The following CTNND2 variants were observed in gnomAD, a reference collection of about 807,000 sequenced individuals.
The protein encoded by CTNND2 is catenin delta 2.
A neutral mutation model predicts 144.4 loss-of-function variants in CTNND2; 22 were observed. The ratio of observed to expected loss-of-function variants is 0.15; its 90% confidence interval spans 0.11 to 0.22. The LOEUF is 0.22. Ranked by LOEUF, CTNND2 falls within the 10% of genes least tolerant of loss-of-function variation. The pLI is 1.00. For missense variants in CTNND2, 1,353 were observed against 1,618.8 expected (o/e 0.84, Z 2.82); for synonymous variants, 751 against 695.6 (o/e 1.08, Z -1.25).
intron 12 of CTNND2, among the ~76,000 whole-genome samples, chr5:11,120,775 G>T (rs1278067772): frequency 6.6e-6 from 1 of 151,962 alleles, no homozygotes; most frequent in African/African-American, 2.4e-5. Context: ...CTTGAAGAGG[G>T]CGTTATCATA....
At chr5:11,504,139 G>A (rs1770784590) in intron 3 of CTNND2, among the ~76,000 whole-genome samples, 1 of 152,184 alleles carries the variant, frequency 6.6e-6, no homozygotes, top group Non-Finnish European at 1.5e-5. Context: ...GCTTTTACAT[G>A]TGAATAAGAT....
intron 11 of CTNND2, among the ~76,000 whole-genome samples, chr5:11,178,501 T>G (rs576713930): frequency 6.6e-6 from 1 of 152,148 alleles, no homozygotes; most frequent in Non-Finnish European, 1.5e-5. Context: ...ATGTAGGTGA[T>G]AGAGAGGCAG....
chr5:11,823,134 A>G (rs1173449446), intron 1 of CTNND2, among the ~76,000 whole-genome samples: 1 of 152,238 alleles, frequency 6.6e-6, no homozygotes, highest in Non-Finnish European at 1.5e-5. Flanking sequence ...ATTAAAATAT[A>G]TATTCAACAA....
intron 2 of CTNND2, among the ~76,000 whole-genome samples, chr5:11,578,867 A>C (rs1049419162): frequency 6.6e-6 from 1 of 152,104 alleles, no homozygotes; most frequent in Non-Finnish European, 1.5e-5. Flanking sequence ...ATATGTATGC[A>C]TGTCAACGCT....
intron 2 of CTNND2, among the ~76,000 whole-genome samples, chr5:11,629,890 C>T (rs1781333464): frequency 6.6e-6 from 1 of 151,952 alleles, no homozygotes; most frequent in African/African-American, 2.4e-5. Context: ...TATGATACGT[C>T]ATGCTTTAAT....
intron 2 of CTNND2, among the ~76,000 whole-genome samples, chr5:11,613,796 T>C (rs1395624968): frequency 6.6e-6 from 1 of 152,214 alleles, no homozygotes. Flanking sequence ...TGTGTTTCCA[T>C]GATGGTTAGT....
chr5:11,212,615 G>C (rs535979408), intron 10 of CTNND2, among the ~76,000 whole-genome samples: 12 of 152,234 alleles, frequency 7.9e-5, no homozygotes, highest in Admixed American at 3.3e-4. Flanking sequence ...AACACAAGAT[G>C]TATGGGAATT....
chr5:11,674,280 C>T (rs993104715), intron 2 of CTNND2, among the ~76,000 whole-genome samples: 2 of 152,162 alleles, frequency 1.3e-5, no homozygotes, highest in East Asian at 3.8e-4. Flanking sequence ...AAAATATATG[C>T]CACGTTCCAT....
chr5:11,093,323 A>G (rs181463894), intron 15 of CTNND2, among the ~76,000 whole-genome samples: 1 of 152,268 alleles, frequency 6.6e-6, no homozygotes, highest in Admixed American at 6.5e-5. Flanking sequence ...CATTTTGGAA[A>G]TCTTCAAAGC....
intron 1 of CTNND2, among the ~76,000 whole-genome samples, chr5:11,889,415 C>A (rs949038629): frequency 6.6e-6 from 1 of 152,176 alleles, no homozygotes; most frequent in South Asian, 2.1e-4. Flanking sequence ...AGAGAAACAA[C>A]TCATTCTAAA....
intron 2 of CTNND2, among the ~76,000 whole-genome samples, chr5:11,684,235 G>A (rs2126634398): frequency 6.6e-6 from 1 of 151,878 alleles, no homozygotes; most frequent in South Asian, 2.1e-4. Flanking sequence ...CCGAGTAGCT[G>A]GGACTACAGG....
At chr5:11,122,444 C>T (rs1754239187) in intron 12 of CTNND2, among the ~76,000 whole-genome samples, 1 of 151,974 alleles carries the variant, frequency 6.6e-6, no homozygotes, top group Admixed American at 6.6e-5. Flanking sequence ...GCTAGGTTGT[C>T]TTCCTATGTC....
chr5:11,254,054 A>G (rs896966015), intron 9 of CTNND2, among the ~76,000 whole-genome samples: 6 of 152,370 alleles, frequency 3.9e-5, no homozygotes, highest in African/African-American at 1.4e-4. Flanking sequence ...GGGTATTTAG[A>G]AAATGATGAC....
intron 9 of CTNND2, among the ~76,000 whole-genome samples, chr5:11,250,775 C>G (rs1407235385): frequency 6.6e-6 from 1 of 151,926 alleles, no homozygotes; most frequent in African/African-American, 2.4e-5. Context: ...CCTCAGCCTC[C>G]CAAAGTGCTG....
intron 3 of CTNND2, among the ~76,000 whole-genome samples, chr5:11,475,233 C>A (rs1025570216): frequency 6.6e-6 from 1 of 152,156 alleles, no homozygotes; most frequent in African/African-American, 2.4e-5. Flanking sequence ...ATTTGGCCAG[C>A]AAGATCGAGG....
intron 1 of CTNND2, among the ~76,000 whole-genome samples, chr5:11,891,295 T>C (rs1736938807): frequency 6.6e-6 from 1 of 152,202 alleles, no homozygotes; most frequent in Admixed American, 6.5e-5. Flanking sequence ...ATTAATAAAA[T>C]AGCTCAAAGA....
intron 1 of CTNND2, among the ~76,000 whole-genome samples, chr5:11,855,503 C>A (rs1433198836): frequency 6.6e-6 from 1 of 152,154 alleles, no homozygotes; most frequent in East Asian, 1.9e-4. Context: ...ATTTTTCCTT[C>A]CAATTAAATA....
intron 9 of CTNND2, among the ~76,000 whole-genome samples, chr5:11,283,333 A>G (rs1311413): frequency 0.31 from 46,353 of 151,802 alleles, 7,174 homozygotes; most frequent in Middle Eastern, 0.38. Flanking sequence ...TCATGATACC[A>G]AAGAGATATG....
intron 1 of CTNND2, among the ~76,000 whole-genome samples, chr5:11,746,299 C>A (rs1181060173): frequency 3.9e-5 from 6 of 152,198 alleles, no homozygotes; most frequent in Admixed American, 3.9e-4. Context: ...GGCTGCCAAA[C>A]TCCCTTTCTC....
Sources: allele counts gnomAD v4.1 joint callset (sites outside exome capture counted in the v4.1 genomes callset), GRCh38; gene constraint gnomAD v4.1.1; transcripts MANE v1.5; gene names NCBI Gene and HGNC (gene_info 2026-07-23, HGNC 2026-07-21).